The following RFX1 variants were observed in gnomAD, a reference collection of about 807,000 sequenced individuals.
The protein encoded by RFX1 is MHC class II regulatory factor RFX1.
A neutral mutation model predicts 119.6 loss-of-function variants in RFX1; 42 were observed. That is an observed-to-expected ratio of 0.35 (90% CI 0.27 to 0.45). RFX1 has a LOEUF of 0.45. Among genes scored for constraint, RFX1 ranks in the 20% least tolerant of loss-of-function variants. The pLI is 1.00. For synonymous variants in RFX1, 628 were observed against 618.5 expected (o/e 1.02, Z -0.23); for missense variants, 1,118 against 1,368.1 (o/e 0.82, Z 2.88).
Position 13,969,881 on chromosome 19 carries a change from A to T in RFX1, c.1496+113T>A. The stretch of plus-strand genomic sequence containing the variant: ...GCGGGGCTGTCGAGGAGCCTCGCAG[A>T]GGCCGGCGGGACTGGGCTGGACTGG... On this transcript the variant is annotated intron_variant, in intron 10 of 20. Coordinates refer to ENST00000254325, the MANE Select transcript of RFX1 (RefSeq NM_002918.5). This position sits in a 1 kb window ranked among gnomAD's most constrained non-coding sequence, Gnocchi z 4.5. 1 of 1,105,406 alleles carries T rather than the reference A, an allele frequency of 9.0e-7. No individual in the cohort carries two copies. Among genetic ancestry groups the T allele is most frequent in the South Asian group, 1.6e-5 (1 of 61,770 alleles). The allele number at this position is 1,105,406 out of a possible 1,614,324, so 68.5% of individuals were successfully genotyped here. A position where few individuals can be genotyped will look rare whatever the true frequency, so the allele number is the denominator to read the frequency against.
intron 1 of RFX1, among the ~76,000 whole-genome samples, chr19:13,995,233 G>A (rs1444015773): frequency 2.0e-5 from 3 of 151,852 alleles, no homozygotes; most frequent in African/African-American, 4.8e-5. Context: ...CTCCTGACTC[G>A]TCAGTTTATT....
At chr19:13,996,431 C>T (rs1975022445) in intron 1 of RFX1, among the ~76,000 whole-genome samples, 1 of 152,222 alleles carries the variant, frequency 6.6e-6, no homozygotes, top group African/African-American at 2.4e-5. Context: ...CCCAGATGGC[C>T]CTCCAGCCGC....
At chr19:14,000,504 A>C (rs1251719252) in intron 1 of RFX1, among the ~76,000 whole-genome samples, 1 of 152,060 alleles carries the variant, frequency 6.6e-6, no homozygotes, top group African/African-American at 2.4e-5. Context: ...ACACTCGCAC[A>C]CATCTCCTAA....
At chr19:13,967,833 G>A (rs1475530720) in intron 12 of RFX1, among the ~76,000 whole-genome samples, 1 of 152,194 alleles carries the variant, frequency 6.6e-6, no homozygotes, top group African/African-American at 2.4e-5. Flanking sequence ...AGTGGTCCTA[G>A]CCCTGTGGAC....
rs1054407530 is a variant in RFX1, at chr19:13,965,045, C to T, written c.2211+404G>A. Among the ~76,000 whole-genome samples, 5 of 152,142 alleles carry T rather than the reference C, an allele frequency of 3.3e-5. No individual in the cohort carries two copies. The East Asian group carries it at 5.8e-4, about 18-fold the overall frequency. On this transcript the variant is annotated intron_variant, in intron 16 of 20. Transcript: ENST00000254325. The surrounding 1 kb of genome is among the most constrained non-coding windows in gnomAD (Gnocchi z 4.7). ...AAATTCCTCACATCTAAGTAGTCAGCGAATGTGCATCTTTTGATGAAAAAG... is the reference window on the plus strand; with the variant it reads ...AAATTCCTCACATCTAAGTAGTCAGTGAATGTGCATCTTTTGATGAAAAAG...
In RFX1 at chr19:13,970,226, C is replaced by T. The variant is rs770047995; in HGVS notation, c.1315-51G>A. On this transcript the variant is annotated intron_variant, in intron 9 of 20. Coordinates refer to ENST00000254325, the MANE Select transcript of RFX1 (RefSeq NM_002918.5). ...CACCAGTCAGAGGCGCTTCCGTCAT[C>T]TCTGAGTGCTGGGGCTGAGTGCCCC... The T allele has an allele frequency of 4.9e-5, 74 of 1,498,598 alleles. 1 individual carries two copies. In the South Asian group the frequency reaches 9.0e-4, roughly 18 times the overall value. 92.8% of individuals were successfully genotyped at this position (1,498,598 alleles called of 1,614,324 possible). A position where few individuals can be genotyped will look rare whatever the true frequency, so the allele number is the denominator to read the frequency against.
rs1158248298 is a variant in RFX1 at position 13,963,957 on chromosome 19, G to A, written c.2262C>T (p.Leu754=). ...CGCGCGCCGCCTGCGCCAGGTGGTT[G>A]AGCGACGTGTAGCGCCGCAGTGTCT... The part of the protein sequence containing the change: ...FAQTLRRYTS[L]NHLAQAARAV... Residue 754 remains leucine, a synonymous_variant, in exon 17 of 21, where the codon CTC becomes CTT. Coordinates refer to ENST00000254325, the MANE Select transcript of RFX1 (RefSeq NM_002918.5). 8 of 1,543,228 alleles carry A rather than the reference G, an allele frequency of 5.2e-6. No homozygotes were observed. Among genetic ancestry groups the A allele is most frequent in the South Asian group, 1.2e-5 (1 of 84,052 alleles).
chr19:13,988,215 C>T (rs1974675209), intron 2 of RFX1, among the ~76,000 whole-genome samples: 1 of 151,970 alleles, frequency 6.6e-6, no homozygotes, highest in Non-Finnish European at 1.5e-5. Context: ...TTATTAGAGA[C>T]GGGGTTTCAT....
At chr19:13,972,682 C>T in intron 9 of RFX1, 61 bp downstream of exon 9, 2 of 1,362,614 alleles carry the variant, frequency 1.5e-6, no homozygotes, top group Non-Finnish European at 2.0e-6. Flanking sequence ...ATGGACTGGG[C>T]TTCTAGTGCC....
chr19:14,005,362 A>C (rs1975337698), intron 1 of RFX1, among the ~76,000 whole-genome samples: 1 of 152,242 alleles, frequency 6.6e-6, no homozygotes, highest in South Asian at 2.1e-4. Context: ...CCCAGAGAGA[A>C]GGTGGCAGGT....
rs1409816940 is a variant in RFX1, at chr19:13,962,407, C to T, written c.*288G>A. 5 of 471,118 alleles carry T rather than the reference C, an allele frequency of 1.1e-5. No individual in the cohort carries two copies. The allele number at this position is 471,118 out of a possible 1,614,324, so 29.2% of individuals were successfully genotyped here. ...CGGGGCTGGGGAGAAGACGCTGGGG[C>T]CTGGGAGGGGGGCGGCCAAGGGGCC... On this transcript the variant is annotated 3_prime_UTR_variant, in exon 21 of 21. Transcript: ENST00000254325.
rs193200684 is a variant in RFX1 at position 13,976,433 on chromosome 19, G to A, written c.929+1559C>T. Among the ~76,000 whole-genome samples the A allele has an allele frequency of 2.6e-3, 396 of 152,354 alleles. 1 individual carries two copies. The highest frequency in any genetic ancestry group is 6.8e-3 in the Middle Eastern group (2 of 294). On this transcript the variant is annotated intron_variant, in intron 8 of 20. Transcript: ENST00000254325. ...GGGAAGGTGGCATGGAGGACCCCCG[G>A]CGAGGAGCCCGAGCCGGGACTGAAG...
chr19:13,984,444 GGGT>G (rs762898523), intron 2 of RFX1, among the ~76,000 whole-genome samples: 1 of 152,210 alleles, frequency 6.6e-6, no homozygotes, highest in Non-Finnish European at 1.5e-5. Flanking sequence ...CAGCGCTGCG[GGGT>G]GAGGAGGGAG....
chr19:13,989,182 G>A lies in RFX1; in HGVS notation c.319+4343C>T, dbSNP rs368648353. Among the ~76,000 whole-genome samples the A allele has an allele frequency of 8.6e-4, 131 of 152,122 alleles. 3 individuals carry two copies. The South Asian group carries it at 0.026, about 30-fold the overall frequency. ...GCTCCTGGCAGAGGGTACCGAGAGT[G>A]CAAAGGTCAGGAGGCAGGACTGAGC... On this transcript the variant is annotated intron_variant, in intron 2 of 20. Coordinates refer to ENST00000254325, the MANE Select transcript of RFX1 (RefSeq NM_002918.5).
At chr19:14,001,311 G>A (rs893167006) in intron 1 of RFX1, among the ~76,000 whole-genome samples, 3 of 152,058 alleles carry the variant, frequency 2.0e-5, no homozygotes, top group Non-Finnish European at 2.9e-5. Flanking sequence ...TTTCTTTTTC[G>A]TTTCTTAGAG....
chr19:13,996,693 G>A (rs987807854), intron 1 of RFX1, among the ~76,000 whole-genome samples: 1 of 151,628 alleles, frequency 6.6e-6, no homozygotes, highest in African/African-American at 2.4e-5. Flanking sequence ...ACCCTACTTA[G>A]GATGCCAGGC....
At chr19:13,995,799 C>T (rs1974992637) in intron 1 of RFX1, among the ~76,000 whole-genome samples, 1 of 139,808 alleles carries the variant, frequency 7.2e-6, no homozygotes, top group East Asian at 2.1e-4. Context: ...TGCAATGAGC[C>T]GAGATCTTGT....
intron 1 of RFX1, among the ~76,000 whole-genome samples, chr19:14,000,912 T>C (rs894599614): frequency 3.3e-5 from 5 of 151,926 alleles, no homozygotes; most frequent in Non-Finnish European, 7.4e-5. Flanking sequence ...CTTAGCAGCA[T>C]AGCCGAGACT....
At chr19:13,993,481 C>A (rs1379311904) in intron 2 of RFX1, 44 bp downstream of exon 2, 10 of 1,567,816 alleles carry the variant, frequency 6.4e-6, no homozygotes, top group African/African-American at 4.1e-5. Context: ...GCTATCTGAA[C>A]AACTCTGAGA....
Sources: allele counts gnomAD v4.1 joint callset (sites outside exome capture counted in the v4.1 genomes callset), GRCh38; gene constraint gnomAD v4.1.1; non-coding constraint Gnocchi (gnomAD v3.1); transcripts MANE v1.5; gene names NCBI Gene and HGNC (gene_info 2026-07-23, HGNC 2026-07-21).